The following PLEC variants were observed in gnomAD, a reference collection of about 807,000 sequenced individuals.
PLEC encodes hemidesmosomal protein 1.
PLEC carries 216 observed loss-of-function variants against 392.8 expected under a neutral mutation model. The observed-to-expected ratio is 0.55, with a 90% CI of 0.49 to 0.62. The LOEUF is 0.62. PLEC is among the 20% of genes least tolerant of loss of function. The pLI, the probability that PLEC is intolerant of heterozygous loss-of-function variation, is 0.00. For missense variants in PLEC, 6,863 were observed against 6,563.4 expected (o/e 1.05, Z -1.58); for synonymous variants, 3,621 against 2,980.6 (o/e 1.21, Z -7.00).
intron 1 of PLEC, among the ~76,000 whole-genome samples, chr8:143,949,545 C>T (rs1249658169): frequency 6.6e-6 from 1 of 152,180 alleles, no homozygotes; most frequent in Admixed American, 6.5e-5. Context: ...AAAGGCCTAT[C>T]TAGGCCCCAG....
At chr8:143,942,844 C>G (rs1470086738), upstream of PLEC, among the ~76,000 whole-genome samples, 1 of 152,192 alleles carries the variant, frequency 6.6e-6, no homozygotes, top group Non-Finnish European at 1.5e-5. Flanking sequence ...GAAGGCAGGG[C>G]ATGGGGCCAG....
rs781932151 is a variant in PLEC at position 143,930,487 on chromosome 8, G to T, written c.2354C>A (p.Ala785Asp). Residue 785 changes from alanine to aspartate, a missense_variant, in exon 20 of 32, where the codon GCC (alanine) becomes GAC (aspartate). Physicochemically the swap from Ala to Asp is moderately radical, Grantham distance 126. Transcript: ENST00000345136. ...NEYKGHLSGLAKRAKAVVQLK... is the reference protein window; with the variant it reads ...NEYKGHLSGLDKRAKAVVQLK... ...CTGCACGACGGCCTTGGCCCGCTTG[G>T]CCAGGCCTGAGAGGTGGCCCTTGTA... is the stretch of plus-strand genomic sequence containing the variant. 6.3e-7 allele frequency: 1 copy of T among 1,595,574 alleles called. No homozygotes were observed. Among genetic ancestry groups the T allele is most frequent in the East Asian group, 2.3e-5 (1 of 43,750 alleles).
chr8:143,924,360 T>G lies in PLEC; in HGVS notation c.5569A>C (p.Lys1857Gln), dbSNP rs1252688944. The G allele has an allele frequency of 6.3e-7, 1 of 1,596,934 alleles. No individual in the cohort carries two copies. Among genetic ancestry groups the G allele is most frequent in the Non-Finnish European group, 8.5e-7 (1 of 1,178,716 alleles). The change falls in exon 31 of 32, where the codon AAG (lysine) becomes CAG (glutamine). Residue 1857 changes from lysine (K) to glutamine (Q), a missense_variant. By Grantham distance (53) the Lys-to-Gln change is moderately conservative (BLOSUM62 1). Coordinates refer to ENST00000345136, the MANE Select transcript of PLEC (RefSeq NM_201384.3). ...CGCTCGTTCTCCGCCTCCTTCTCCT[T>G]GAGCGCGATCTCCGCCTCCGTCTTG... ...RLKTEAEIAL[K>Q]EKEAENERLR...
chr8:143,943,222 G>A (rs1201488344), upstream of PLEC, among the ~76,000 whole-genome samples: 2 of 152,230 alleles, frequency 1.3e-5, no homozygotes, highest in Non-Finnish European at 2.9e-5. Context: ...CTGGCCAGAA[G>A]CCCATAATTG....
chr8:143,955,285 T>C (rs915257477), upstream of PLEC, among the ~76,000 whole-genome samples: 4 of 152,160 alleles, frequency 2.6e-5, no homozygotes, highest in African/African-American at 9.7e-5. Flanking sequence ...GAGACCAGCC[T>C]GGCCAACATG....
Position 143,920,808 on chromosome 8 carries a change from G to C in PLEC, c.9013C>G (p.Arg3005Gly), listed in dbSNP as rs373714281. 3 of 1,607,750 alleles carry C rather than the reference G, an allele frequency of 1.9e-6. No homozygotes were observed. The highest frequency in any genetic ancestry group is 1.3e-5 in the African/African-American group (1 of 74,914). Residue 3005 changes from arginine to glycine, a missense_variant, in exon 32 of 32, where the codon CGC becomes GGC. Physicochemically the swap from Arg to Gly is moderately radical, Grantham distance 125. Transcript: ENST00000345136. ...ACCTCGGCTACGTCTCGCACAGAGC[G>C]CTCACCTCGCTGCAGCTGCTGGTAG... ...ELYQQLQRGE[R>G]SVRDVAEVDT...
At chr8:143,930,670 G>A in intron 19 of PLEC, 134 bp from the exon 20 acceptor site, 2 of 933,752 alleles carry the variant, frequency 2.1e-6, no homozygotes, top group Non-Finnish European at 3.2e-6. Flanking sequence ...GAAGCAGGAG[G>A]TATAGCTGGG....
rs1554681897 is a variant in PLEC, at chr8:143,920,467, C to A, written c.9354G>T (p.Gln3118His). The A allele has an allele frequency of 1.2e-6, 2 of 1,603,798 alleles. No homozygotes were observed. The highest frequency in any genetic ancestry group is 1.7e-6 in the Non-Finnish European group (2 of 1,175,654). ...GGGGAATGAGGCCCTTCTTCAGGGC[C>A]TGGAACAGGGAGACGCTCTGCCCTG... ...PYTGQSVSLF[Q>H]ALKKGLIPRE... Residue 3118 changes from glutamine to histidine, a missense_variant, in exon 32 of 32, where the codon CAG (glutamine) becomes CAT (histidine). Physicochemically the swap from Gln to His is conservative, Grantham distance 24. Transcript: ENST00000345136.
At position 143,916,032 on chromosome 8, in the gene PLEC, A is replaced by G; in HGVS notation, c.*145T>C. The G allele has an allele frequency of 3.5e-6, 2 of 572,010 alleles. No individual in the cohort carries two copies. The highest frequency in any genetic ancestry group is 4.6e-5 in the South Asian group (2 of 43,784). The allele number at this position is 572,010 out of a possible 1,614,324, so 35.4% of individuals were successfully genotyped here. A position where few individuals can be genotyped will look rare whatever the true frequency, so the allele number is the denominator to read the frequency against. On this transcript the variant is annotated 3_prime_UTR_variant, in exon 32 of 32. Transcript: ENST00000345136. ...GATACAGGCTGTCTGGACAGCAGAT[A>G]TATATTAATATATTAGTCTGGTCTT...
chr8:143,946,078 T>C (rs1017012911), intron 1 of PLEC, among the ~76,000 whole-genome samples: 1 of 152,250 alleles, frequency 6.6e-6, no homozygotes, highest in African/African-American at 2.4e-5. Flanking sequence ...CCTGACTCAA[T>C]GGCCTGGGTG....
In PLEC at chr8:143,973,357, G is replaced by A. The variant is rs868958312; in HGVS notation, c.70+46C>T. 1 of 1,544,812 alleles carries A rather than the reference G, an allele frequency of 6.5e-7. No individual in the cohort carries two copies. The highest frequency in any genetic ancestry group is 8.7e-7 in the Non-Finnish European group (1 of 1,144,414). On this transcript the variant is annotated intron_variant, in intron 1 of 31. Transcript: ENST00000356346. The surrounding 1 kb of genome is among the most constrained non-coding windows in gnomAD (Gnocchi z 5.6). ...GTGGACGACAAGGTGCTCGGCGGCTGGGCTGTCAGGAGCGGCCCGACAGGC... is the reference window on the plus strand; with the variant it reads ...GTGGACGACAAGGTGCTCGGCGGCTAGGCTGTCAGGAGCGGCCCGACAGGC...
At chr8:143,947,422 C>G (rs1831626540) in intron 1 of PLEC, among the ~76,000 whole-genome samples, 2 of 152,214 alleles carry the variant, frequency 1.3e-5, no homozygotes, top group South Asian at 4.1e-4. Flanking sequence ...TCCTCGGTTC[C>G]TTCAGAATTT....
rs376311731 is a variant in PLEC at position 143,923,159 on chromosome 8, C to T, written c.6770G>A (p.Arg2257His). The T allele has an allele frequency of 4.2e-5, 68 of 1,602,672 alleles. No homozygotes were observed. Among genetic ancestry groups the T allele is most frequent in the Admixed American group, 3.2e-4 (19 of 59,990 alleles). Residue 2257 changes from arginine (R) to histidine (H), a missense_variant, in exon 31 of 32, where the codon CGT (arginine) becomes CAT (histidine). Physicochemically the swap from Arg to His is conservative, Grantham distance 29. Coordinates refer to ENST00000345136, the MANE Select transcript of PLEC (RefSeq NM_201384.3). Reference protein sequence around the residue: ...IEAENRALILRDKDNTQRFLQ... With the variant: ...IEAENRALILHDKDNTQRFLQ... Reference sequence around the variant, plus strand: ...GAAGCGCTGCGTATTGTCCTTGTCACGCAAGATGAGTGCGCGGTTCTCAGC... The same window carrying T: ...GAAGCGCTGCGTATTGTCCTTGTCATGCAAGATGAGTGCGCGGTTCTCAGC...
rs782820942 is a variant in PLEC, at chr8:143,932,079, G to A, written c.2083-47C>T. ...TCAGGCCCCGCCCCGCCCCGCCTGGGGACCCGGCACGGCCCCCCCCGCAGC... is the reference window on the plus strand; with the variant it reads ...TCAGGCCCCGCCCCGCCCCGCCTGGAGACCCGGCACGGCCCCCCCCGCAGC... On this transcript the variant is annotated intron_variant, in intron 17 of 31. Transcript: ENST00000345136. 1.3e-5 allele frequency: 20 copies of A among 1,560,184 alleles called. No individual in the cohort carries two copies. In the Admixed American group the frequency reaches 3.7e-4, roughly 29 times the overall value.
At chr8:143,947,649 C>G (rs1831655608) in intron 1 of PLEC, among the ~76,000 whole-genome samples, 1 of 152,020 alleles carries the variant, frequency 6.6e-6, no homozygotes, top group Admixed American at 6.5e-5. Context: ...ACTCAGGAGG[C>G]TGAGACAGGA....
rs782201823 is a variant in PLEC at position 143,927,925 on chromosome 8, C to T, written c.3328G>A (p.Glu1110Lys). 1 of 1,601,500 alleles carries T rather than the reference C, an allele frequency of 6.2e-7. No homozygotes were observed. Among genetic ancestry groups the T allele is most frequent in the Non-Finnish European group, 8.5e-7 (1 of 1,175,070 alleles). ...GAEEVLRAHEEQLKEAQAVPA... is the reference protein window; with the variant it reads ...GAEEVLRAHEKQLKEAQAVPA... ...ACGGCCTGGGCCTCCTTGAGCTGCT[C>T]CTCGTGGGCCCTGAGCACCTCCTCG... The change falls in exon 26 of 32, where the codon GAG becomes AAG. Residue 1110 changes from glutamate (E) to lysine (K), a missense_variant. Glu to Lys is a moderately conservative substitution (Grantham distance 56). Coordinates refer to ENST00000345136, the MANE Select transcript of PLEC (RefSeq NM_201384.3).
intron 30 of PLEC, 21 bp from the exon 31 acceptor site, chr8:143,925,905 A>T: frequency 6.5e-7 from 1 of 1,536,716 alleles, no homozygotes; most frequent in South Asian, 1.2e-5. Context: ...AGCAGAGAGA[A>T]GAAGAGAAGC....
intron 20 of PLEC, 22 bp downstream of exon 20, chr8:143,930,362 T>C: frequency 1.3e-6 from 2 of 1,577,698 alleles, no homozygotes; most frequent in East Asian, 2.3e-5. Flanking sequence ...CGCCCCCCAG[T>C]GGACCCCCGG....
In PLEC at chr8:143,917,423, T is replaced by C. The variant is rs371937515; in HGVS notation, c.12398A>G (p.Lys4133Arg). The change falls in exon 32 of 32, where the codon AAG becomes AGG. Residue 4133 changes from lysine to arginine, a missense_variant. Transcript: ENST00000345136. ...CACTCGGCGCTTGCGCACGGAGGAC[T>C]TGGAGGACGTCTTCCGCTCCCGCTT... Reference protein sequence around the residue: ...EKKRERKTSSKSSVRKRRVVI... With the variant: ...EKKRERKTSSRSSVRKRRVVI... The C allele has an allele frequency of 8.7e-6, 14 of 1,613,162 alleles. No individual in the cohort carries two copies. Among genetic ancestry groups the C allele is most frequent in the South Asian group, 3.3e-5 (3 of 91,074 alleles).
Sources: allele counts gnomAD v4.1 joint callset (sites outside exome capture counted in the v4.1 genomes callset), GRCh38; gene constraint gnomAD v4.1.1; non-coding constraint Gnocchi (gnomAD v3.1); transcripts MANE v1.5; gene names NCBI Gene and HGNC (gene_info 2026-07-23, HGNC 2026-07-21).